LCORL: variants seen among roughly 807,000 people sequenced by gnomAD.
The protein encoded by LCORL is ligand dependent nuclear receptor corepressor like.
LCORL carries 41 observed loss-of-function variants against 141.8 expected under a neutral mutation model. The ratio of observed to expected loss-of-function variants is 0.29; its 90% CI spans 0.23 to 0.38. The LOEUF is 0.38. Ranked by LOEUF, LCORL falls within the 10% of genes least tolerant of loss-of-function variation. LCORL has a pLI of 1.00. For synonymous variants in LCORL, 618 were observed against 694.1 expected, an observed-to-expected ratio of 0.89 and a Z score of 1.72; for missense variants, 1,759 against 2,035.0, an observed-to-expected ratio of 0.86 and a Z score of 2.61.
At chr4:17,875,410 C>T (rs1726814003) in exon 7 of LCORL, 15 of 1,231,200 alleles carry the variant, frequency 1.2e-5, no homozygotes, top group Non-Finnish European at 1.4e-5. Flanking sequence ...ATTCTTTCAC[C>T]CAAGTCAATT....
rs1251779580 is a variant in LCORL, at chr4:18,021,589, C to A, written c.154+9G>T. Reference sequence around the variant, plus strand: ...CGGAGCCCGGGGCCCCGGCCCGCGTCTCTCTTACCTACACAGTGCATGAGG... The same window carrying A: ...CGGAGCCCGGGGCCCCGGCCCGCGTATCTCTTACCTACACAGTGCATGAGG... On this transcript the variant is annotated intron_variant, in intron 1 of 7. Coordinates refer to ENST00000635767, the Ensembl canonical transcript of LCORL. The surrounding 1 kb of genome is among the most constrained non-coding windows in gnomAD (Gnocchi z 5.5). 7 of 1,518,158 alleles carry A rather than the reference C, an allele frequency of 4.6e-6. No homozygotes were observed. The highest frequency in any genetic ancestry group is 3.4e-4 in the Middle Eastern group (2 of 5,890). 94.0% of individuals were successfully genotyped at this position (1,518,158 alleles called of 1,614,324 possible).
At chr4:17,869,679 ATGG>A (rs1726104828) in intron 7 of LCORL, among the ~76,000 whole-genome samples, 1 of 151,856 alleles carries the variant, frequency 6.6e-6, no homozygotes, top group Admixed American at 6.6e-5. Context: ...TTCCACTCTC[ATGG>A]TTTCAGTTAT....
intron 4 of LCORL, among the ~76,000 whole-genome samples, chr4:17,934,567 T>G (rs1736551169): frequency 6.6e-6 from 1 of 152,192 alleles, no homozygotes; most frequent in South Asian, 2.1e-4. Flanking sequence ...TTAGAGATGC[T>G]ATTTATTCCT....
chr4:17,866,480 T>C (rs1183596527), intron 7 of LCORL, among the ~76,000 whole-genome samples: 1 of 152,162 alleles, frequency 6.6e-6, no homozygotes, highest in Non-Finnish European at 1.5e-5. Flanking sequence ...ACAAACACTT[T>C]TGAATAAATA....
intron 1 of LCORL, among the ~76,000 whole-genome samples, chr4:17,998,964 CAAA>C (rs775544332): frequency 1.6e-4 from 7 of 44,824 alleles, no homozygotes; most frequent in African/African-American, 5.9e-4. Flanking sequence ...GACCCTGTCT[CAAA>C]AAAAAAAAAA....
intron 4 of LCORL, among the ~76,000 whole-genome samples, chr4:17,943,922 T>C (rs114194238): frequency 4.6e-5 from 7 of 152,320 alleles, no homozygotes; most frequent in African/African-American, 1.7e-4. Context: ...ACTCACACTT[T>C]ACTTAAGGTT....
In LCORL at chr4:17,882,811, T is replaced by G; in HGVS notation, c.776+3257A>C. Reference sequence around the variant, plus strand: ...CATAACATCAACTAACCAGCACATTTAAACCAAAATTATCATTCTCAAGCT... The same window carrying G: ...CATAACATCAACTAACCAGCACATTGAAACCAAAATTATCATTCTCAAGCT... On this transcript the variant is annotated intron_variant, in intron 6 of 7. Coordinates refer to ENST00000635767, the Ensembl canonical transcript of LCORL. 1.2e-5 allele frequency: 12 copies of G among 984,800 alleles called. No homozygotes were observed. The South Asian group carries it at 4.2e-4, about 35-fold the overall frequency. The allele number at this position is 984,800 out of a possible 1,614,324, so 61.0% of individuals were successfully genotyped here.
At chr4:17,874,271 T>C (rs1726685379) in exon 7 of LCORL, 1 of 1,233,860 alleles carries the variant, frequency 8.1e-7, no homozygotes, top group African/African-American at 1.6e-5. Flanking sequence ...CTTTATGCAG[T>C]ATATGCAATT....
In LCORL at chr4:17,879,269, A is replaced by G. The variant is rs913389988; in HGVS notation, c.777-1056T>C. Reference sequence around the variant, plus strand: ...ATTTTTATTTTGCTGCCTAAAACTGACATAGCCTGTTTCAGAGGTAATATT... The same window carrying G: ...ATTTTTATTTTGCTGCCTAAAACTGGCATAGCCTGTTTCAGAGGTAATATT... On this transcript the variant is annotated intron_variant, in intron 6 of 7. Transcript: ENST00000635767. 2.6e-5 allele frequency among the ~76,000 whole-genome samples: 4 copies of G among 151,280 alleles called. No individual in the cohort carries two copies. In the South Asian group the frequency reaches 6.2e-4, roughly 24 times the overall value.
At position 18,000,445 on chromosome 4, in the gene LCORL, T is replaced by C. The variant is rs189847311; in HGVS notation, c.154+21153A>G. The stretch of plus-strand genomic sequence containing the variant: ...ACAACTAAAATGAAGTTTAAAAATA[T>C]TCCAGGAGTTGAATCAAAATTAAGA... On this transcript the variant is annotated intron_variant, in intron 1 of 7. Transcript: ENST00000635767. 1.8e-3 allele frequency among the ~76,000 whole-genome samples: 270 copies of C among 152,312 alleles called. 1 individual carries two copies. Among genetic ancestry groups the C allele is most frequent in the African/African-American group, 6.3e-3 (263 of 41,568 alleles).
Position 17,884,315 on chromosome 4 carries a change from G to C in LCORL, c.776+1753C>G. On this transcript the variant is annotated intron_variant, in intron 6 of 7. Coordinates refer to ENST00000635767, the Ensembl canonical transcript of LCORL. The surrounding 1 kb of genome is among the most constrained non-coding windows in gnomAD (Gnocchi z 4.4). ...TTTTAACTGTACAGTAGGATTTGAA[G>C]TTTCATATTGGAGGCTTTCATTTTT... is the stretch of plus-strand genomic sequence containing the variant. 6.5e-7 allele frequency: 1 copy of C among 1,548,458 alleles called. No homozygotes were observed. The highest frequency in any genetic ancestry group is 8.7e-7 in the Non-Finnish European group (1 of 1,145,802).
intron 1 of LCORL, among the ~76,000 whole-genome samples, chr4:18,009,393 C>T (rs973393173): frequency 6.6e-6 from 1 of 151,516 alleles, no homozygotes; most frequent in African/African-American, 2.4e-5. Flanking sequence ...ATATAATCTC[C>T]TTACCCTGTT....
At chr4:17,914,710 A>G (rs1282510973) in intron 4 of LCORL, among the ~76,000 whole-genome samples, 1 of 152,236 alleles carries the variant, frequency 6.6e-6, no homozygotes, top group Non-Finnish European at 1.5e-5. Flanking sequence ...TACAAGGATC[A>G]GGCTAGTAGT....
At chr4:17,992,319 C>A (rs1274777228) in intron 1 of LCORL, among the ~76,000 whole-genome samples, 2 of 152,142 alleles carry the variant, frequency 1.3e-5, no homozygotes, top group Non-Finnish European at 2.9e-5. Context: ...ATCCCAAGAA[C>A]AGCATGGAGG....
chr4:17,993,056 G>A (rs1220177606), intron 1 of LCORL, among the ~76,000 whole-genome samples: 1 of 152,142 alleles, frequency 6.6e-6, no homozygotes, highest in Non-Finnish European at 1.5e-5. Flanking sequence ...TACACGTTTA[G>A]AAAAGGAGAA....
At chr4:17,996,028 A>G (rs1720871116) in intron 1 of LCORL, among the ~76,000 whole-genome samples, 1 of 152,154 alleles carries the variant, frequency 6.6e-6, no homozygotes, top group South Asian at 2.1e-4. Flanking sequence ...CAGATACTGA[A>G]TTAATTTGCA....
At chr4:17,930,651 A>G (rs1735874951) in intron 4 of LCORL, among the ~76,000 whole-genome samples, 1 of 152,162 alleles carries the variant, frequency 6.6e-6, no homozygotes, top group Non-Finnish European at 1.5e-5. Flanking sequence ...AAATGTCATG[A>G]CTGTCATGTA....
At chr4:17,877,337 T>C in exon 7 of LCORL, 2 of 1,230,260 alleles carry the variant, frequency 1.6e-6, no homozygotes, top group East Asian at 3.2e-5. Flanking sequence ...TAGATAATTT[T>C]ACAAGGCTTG....
intron 1 of LCORL, among the ~76,000 whole-genome samples, chr4:18,003,501 A>G (rs939823342): frequency 1.3e-5 from 2 of 152,210 alleles, no homozygotes; most frequent in African/African-American, 4.8e-5. Context: ...AGAGAGATCA[A>G]GAGTTAACTT....
Sources: allele counts gnomAD v4.1 joint callset (sites outside exome capture counted in the v4.1 genomes callset), GRCh38; gene constraint gnomAD v4.1.1; non-coding constraint Gnocchi (gnomAD v3.1); transcripts MANE v1.5; gene names NCBI Gene and HGNC (gene_info 2026-07-23, HGNC 2026-07-21).